The following PTBP2 variants were observed in gnomAD, a reference collection of about 807,000 sequenced individuals.
The protein encoded by PTBP2 is polypyrimidine tract-binding protein 2.
In PTBP2, 13 loss-of-function variants were observed where a neutral mutation model predicts 61.4. The observed-to-expected ratio is 0.21, with a 90% CI of 0.14 to 0.34. The LOEUF is 0.34. PTBP2 is among the 10% of genes least tolerant of loss of function. The probability of loss-of-function intolerance (pLI) is 1.00; values close to 1 mark genes in which losing one functional copy is unlikely to be tolerated. For synonymous variants in PTBP2, 215 were observed against 218.5 expected, an observed-to-expected ratio of 0.98 and a Z score of 0.14; for missense variants, 405 against 642.6, an observed-to-expected ratio of 0.63 and a Z score of 4.00.
chr1:96,810,814 T>A (rs978890080), intron 11 of PTBP2, among the ~76,000 whole-genome samples: 1 of 152,214 alleles, frequency 6.6e-6, no homozygotes, highest in African/African-American at 2.4e-5. Context: ...ATTTTATAAT[T>A]CAGTGGGTTT....
At chr1:96,754,196 G>T (rs904812727) in intron 3 of PTBP2, among the ~76,000 whole-genome samples, 1 of 152,094 alleles carries the variant, frequency 6.6e-6, no homozygotes. Context: ...TCGTATTAAA[G>T]GGGGAAAAAA....
chr1:96,762,421 T>C lies in PTBP2; in HGVS notation c.116-7282T>C, dbSNP rs867212638. Among the ~76,000 whole-genome samples the C allele has an allele frequency of 3.4e-3, 440 of 130,666 alleles. 7 individuals carry two copies. The highest frequency in any genetic ancestry group is 0.011 in the African/African-American group (365 of 33,602). 85.7% of individuals were successfully genotyped at this position (130,666 alleles called of 152,430 possible). A position where few individuals can be genotyped will look rare whatever the true frequency, so the allele number is the denominator to read the frequency against. On this transcript the variant is annotated intron_variant, in intron 3 of 13. Coordinates refer to ENST00000674951, the MANE Select transcript of PTBP2 (RefSeq NM_021190.4). ...CTGACCCCCCCACCTCCCTCCCGGATGGGGCAGCTGGCCGGGCGGGGGGCT... is the reference window on the plus strand; with the variant it reads ...CTGACCCCCCCACCTCCCTCCCGGACGGGGCAGCTGGCCGGGCGGGGGGCT...
intron 3 of PTBP2, among the ~76,000 whole-genome samples, chr1:96,762,530 G>T (rs1353954014): frequency 1.4e-5 from 2 of 147,258 alleles, no homozygotes; most frequent in African/African-American, 5.0e-5. Context: ...CGGGGCGGCT[G>T]GCCGGGCTGG....
intron 5 of PTBP2, among the ~76,000 whole-genome samples, chr1:96,776,373 T>C (rs1658045270): frequency 6.6e-6 from 1 of 152,010 alleles, no homozygotes; most frequent in African/African-American, 2.4e-5. Flanking sequence ...ATCTATCACA[T>C]TTCAAAATGT....
intron 8 of PTBP2, among the ~76,000 whole-genome samples, chr1:96,799,982 A>G (rs1660808060): frequency 6.6e-6 from 1 of 152,226 alleles, no homozygotes; most frequent in East Asian, 1.9e-4. Context: ...AGTGATTTAG[A>G]ACGGTGTAAA....
chr1:96,771,030 C>G, intron 5 of PTBP2, 179 bp downstream of exon 5: 1 of 481,744 alleles, frequency 2.1e-6, no homozygotes, highest in Non-Finnish European at 3.5e-6. Context: ...TTTTGAATTC[C>G]TTTAATCCCC....
At chr1:96,777,812 G>GTTT in intron 6 of PTBP2, 24 bp from the exon 7 acceptor site, 3 of 1,538,346 alleles carry the variant, frequency 2.0e-6, no homozygotes, top group Non-Finnish European at 2.7e-6. Context: ...AATAAGTAAT[G>GTTT]TTTTGATTTT....
intron 2 of PTBP2, among the ~76,000 whole-genome samples, chr1:96,746,194 A>G (rs1005632157): frequency 6.6e-6 from 1 of 152,156 alleles, no homozygotes; most frequent in African/African-American, 2.4e-5. Flanking sequence ...ATTTAAAGGT[A>G]TAGGTATATA....
intron 11 of PTBP2, among the ~76,000 whole-genome samples, chr1:96,812,475 A>C (rs1232735189): frequency 6.6e-6 from 1 of 152,190 alleles, no homozygotes; most frequent in Non-Finnish European, 1.5e-5. Flanking sequence ...TTGTTGAGGA[A>C]GATAGATATT....
At chr1:96,790,077 A>G (rs1659619950) in intron 8 of PTBP2, among the ~76,000 whole-genome samples, 1 of 152,126 alleles carries the variant, frequency 6.6e-6, no homozygotes. Flanking sequence ...TCAGTCTGTA[A>G]TAGTCCTCTC....
At chr1:96,738,850 T>A (rs1345435412) in intron 2 of PTBP2, among the ~76,000 whole-genome samples, 1 of 152,256 alleles carries the variant, frequency 6.6e-6, no homozygotes, top group Non-Finnish European at 1.5e-5. Flanking sequence ...ATTCTTTTCC[T>A]AGTATTTTAT....
intron 3 of PTBP2, among the ~76,000 whole-genome samples, chr1:96,758,072 A>G (rs933737864): frequency 4.5e-4 from 68 of 152,200 alleles, no homozygotes; most frequent in African/African-American, 1.4e-3. Flanking sequence ...ATAGTATAAC[A>G]TAAATAATAT....
chr1:96,804,840 T>TGCTGCAGCA lies in PTBP2; in HGVS notation c.951_959dup (p.Ala322_Ala324dup), dbSNP rs1661350656. On this transcript the variant is annotated inframe_insertion, in exon 9 of 14. Transcript: ENST00000674951. ...TGAGTCCTTTGGCCATTCCAAATGC[T>TGCTGCAGCA]GCTGCAGCAGCTGCTGCAGCTGCTG... 2 of 1,611,018 alleles carry TGCTGCAGCA rather than the reference T, an allele frequency of 1.2e-6. No homozygotes were observed. The highest frequency in any genetic ancestry group is 3.3e-5 in the Admixed American group (2 of 59,986).
chr1:96,722,377 C>G (rs1013580309), intron 1 of PTBP2, among the ~76,000 whole-genome samples: 2 of 151,936 alleles, frequency 1.3e-5, no homozygotes, highest in Non-Finnish European at 2.9e-5. Context: ...GCCCGGCCCT[C>G]CGTGGTCGGG....
At chr1:96,737,985 A>G (rs1328741749) in intron 2 of PTBP2, among the ~76,000 whole-genome samples, 1 of 152,096 alleles carries the variant, frequency 6.6e-6, no homozygotes, top group African/African-American at 2.4e-5. Context: ...CTTTTGAGGA[A>G]GAGTTAGGTT....
In PTBP2 at chr1:96,723,588, C is replaced by T. The variant is rs751892440; in HGVS notation, c.33C>T (p.Gly11=). Residue 11 remains glycine (G), a synonymous_variant, in exon 2 of 14, where the codon GGC becomes GGT. Coordinates refer to ENST00000674951, the MANE Select transcript of PTBP2 (RefSeq NM_021190.4). Reference sequence around the variant, plus strand: ...GAATCGTCACTGAGGTTGCAGTTGGCGTGAAGGTAGGAAAATACTATGTTT... The same window carrying T: ...GAATCGTCACTGAGGTTGCAGTTGGTGTGAAGGTAGGAAAATACTATGTTT... MDGIVTEVAV[G]VKRGSDELLS... is the part of the protein sequence containing the mutation. 1.9e-6 allele frequency: 3 copies of T among 1,562,312 alleles called. No individual in the cohort carries two copies. The highest frequency in any genetic ancestry group is 8.7e-7 in the Non-Finnish European group (1 of 1,144,240).
chr1:96,794,117 T>G (rs973020208), intron 8 of PTBP2, among the ~76,000 whole-genome samples: 1 of 152,242 alleles, frequency 6.6e-6, no homozygotes, highest in African/African-American at 2.4e-5. Context: ...GAAATTTATT[T>G]CATTTGTTAA....
At chr1:96,748,785 T>C (rs1654163656) in intron 2 of PTBP2, among the ~76,000 whole-genome samples, 1 of 152,228 alleles carries the variant, frequency 6.6e-6, no homozygotes, top group Non-Finnish European at 1.5e-5. Flanking sequence ...TCATATACAT[T>C]GTAAGTTAAA....
chr1:96,821,264 TC>T (rs2101322242), exon 14 of PTBP2: 1 of 152,282 alleles, frequency 6.6e-6, no homozygotes, highest in East Asian at 1.9e-4. Context: ...TTTGTTCTTT[TC>T]TCTCTACACC....
Sources: gnomAD v4.1 joint callset for allele counts (sites outside exome capture counted in the v4.1 genomes callset) on GRCh38, gnomAD v4.1.1 for gene constraint, MANE v1.5 for transcripts, NCBI Gene and HGNC (gene_info 2026-07-23, HGNC 2026-07-21) for gene names.